Variants in CRYM observed in about 807,000 individuals in gnomAD.
The protein encoded by CRYM is crystallin mu, also known as ketimine reductase mu-crystallin.
In CRYM, 18 loss-of-function variants were observed where a neutral mutation model predicts 32.9. That is an observed-to-expected ratio of 0.55 (90% CI 0.38 to 0.81). The LOEUF (loss-of-function observed/expected upper bound fraction) is 0.81. Among genes scored for constraint, CRYM ranks in the 30% least tolerant of loss-of-function variants. The pLI is 0.00. For synonymous variants in CRYM, 153 were observed against 152.4 expected, an observed-to-expected ratio of 1.00 and a Z score of -0.03; for missense variants, 337 against 393.5, an observed-to-expected ratio of 0.86 and a Z score of 1.21.
intron 7 of CRYM, among the ~76,000 whole-genome samples, chr16:21,259,444 C>A (rs560698315): frequency 2.6e-4 from 40 of 152,168 alleles, no homozygotes; most frequent in South Asian, 1.0e-3. Context: ...ACAGTAAATC[C>A]TTTAGGCTTT....
intron 1 of CRYM, among the ~76,000 whole-genome samples, chr16:21,298,853 T>G (rs531925052): frequency 5.4e-4 from 82 of 152,350 alleles, no homozygotes; most frequent in African/African-American, 1.9e-3. Context: ...AAGACTAACA[T>G]TAAGAAAAAT....
Position 21,269,620 on chromosome 16 carries a change from C to T in CRYM, c.489+170G>A, listed in dbSNP as rs372828578. 3.8e-4 allele frequency among the ~76,000 whole-genome samples: 58 copies of T among 152,310 alleles called. 1 individual carries two copies. The highest frequency in any genetic ancestry group is 1.4e-3 in the African/African-American group (58 of 41,562). On this transcript the variant is annotated intron_variant, in intron 4 of 7. Transcript: ENST00000572914. Reference sequence around the variant, plus strand: ...AATCAGATCTTCCCCTGACTCTTATCCTCCATCCCCTCCATCAGGGCTTCT... The same window carrying T: ...AATCAGATCTTCCCCTGACTCTTATTCTCCATCCCCTCCATCAGGGCTTCT...
chr16:21,262,898 C>T (rs376775312), intron 5 of CRYM, among the ~76,000 whole-genome samples: 14 of 152,080 alleles, frequency 9.2e-5, no homozygotes, highest in Admixed American at 2.6e-4. Context: ...AGCACCTAGG[C>T]GCTCACACCT....
At chr16:21,271,659 G>C (rs1597618255) in intron 3 of CRYM, among the ~76,000 whole-genome samples, 1 of 152,088 alleles carries the variant, frequency 6.6e-6, no homozygotes, top group African/African-American at 2.4e-5. Context: ...AGGATAATTA[G>C]ATTTTTTTCC....
chr16:21,272,816 ATTTTTTTTT>A (rs60416570), intron 3 of CRYM, among the ~76,000 whole-genome samples: 1 of 42,292 alleles, frequency 2.4e-5, no homozygotes, highest in Non-Finnish European at 4.2e-5. Context: ...TGCCCAGCTA[ATTTTTTTTT>A]TTTTTTTTTT....
At chr16:21,291,423 T>C (rs1960652546) in intron 1 of CRYM, among the ~76,000 whole-genome samples, 1 of 152,186 alleles carries the variant, frequency 6.6e-6, no homozygotes, top group African/African-American at 2.4e-5. Flanking sequence ...CCTACATTAC[T>C]GTGAATCTTG....
chr16:21,284,458 C>T (rs1487599904), intron 1 of CRYM, among the ~76,000 whole-genome samples: 1 of 152,156 alleles, frequency 6.6e-6, no homozygotes, highest in Non-Finnish European at 1.5e-5. Context: ...AAACCCTGTA[C>T]TCATTCAGTT....
chr16:21,288,546 G>A (rs1175114460), intron 1 of CRYM, among the ~76,000 whole-genome samples: 1 of 151,930 alleles, frequency 6.6e-6, no homozygotes, highest in South Asian at 2.1e-4. Context: ...AAAGGTCTTT[G>A]ATTTGTGTTG....
At chr16:21,267,429 C>A in intron 5 of CRYM, 125 bp downstream of exon 5, 2 of 1,013,180 alleles carry the variant, frequency 2.0e-6, no homozygotes, top group Non-Finnish European at 3.0e-6. Flanking sequence ...CACATGTTTT[C>A]AAGGCCCTTA....
chr16:21,269,042 G>T (rs1177306690), intron 4 of CRYM, among the ~76,000 whole-genome samples: 2 of 151,608 alleles, frequency 1.3e-5, no homozygotes, highest in Non-Finnish European at 2.9e-5. Flanking sequence ...TACTTGGGAG[G>T]CTGAGGCCCA....
chr16:21,267,209 T>C (rs567279305), intron 5 of CRYM, among the ~76,000 whole-genome samples: 18 of 151,984 alleles, frequency 1.2e-4, no homozygotes, highest in Admixed American at 1.2e-3. Flanking sequence ...GCCATTCTCA[T>C]GCCTCAGCCT....
chr16:21,266,425 C>T (rs965061753), intron 5 of CRYM, among the ~76,000 whole-genome samples: 1 of 152,018 alleles, frequency 6.6e-6, no homozygotes, highest in African/African-American at 2.4e-5. Flanking sequence ...CATGACAGCA[C>T]CTGCAGTAGT....
chr16:21,291,617 A>C (rs943694101), intron 1 of CRYM, among the ~76,000 whole-genome samples: 1 of 152,174 alleles, frequency 6.6e-6, no homozygotes, highest in East Asian at 1.9e-4. Context: ...TTATACATTA[A>C]TCTCAATAGA....
intron 7 of CRYM, 64 bp downstream of exon 7, chr16:21,261,190 C>T: frequency 8.0e-7 from 1 of 1,254,260 alleles, no homozygotes; most frequent in Non-Finnish European, 1.2e-6. Context: ...TTGCTCTTTC[C>T]ACCAATGGGT....
At chr16:21,261,577 T>TGCCAAGGA in intron 6 of CRYM, 1 of 575,696 alleles carries the variant, frequency 1.7e-6, no homozygotes, top group Non-Finnish European at 3.1e-6. Flanking sequence ...GAGTTGGTGC[T>TGCCAAGGA]CAGGGAGCTG....
intron 7 of CRYM, among the ~76,000 whole-genome samples, chr16:21,260,831 G>C (rs1251410771): frequency 6.6e-6 from 1 of 152,204 alleles, no homozygotes; most frequent in Non-Finnish European, 1.5e-5. Flanking sequence ...ACTCTTTCAG[G>C]TTGGGTCTCT....
rs2093389686 is a variant in CRYM at position 21,277,649 on chromosome 16, C to A, written c.171-65G>T. On this transcript the variant is annotated intron_variant, in intron 1 of 7. Coordinates refer to ENST00000572914, the MANE Select transcript of CRYM (RefSeq NM_001376256.1). This position sits in a 1 kb window ranked among gnomAD's most constrained non-coding sequence, Gnocchi z 4.2. ...AATGCTGGGGTCTCTTAGAAAGTAT[C>A]CATATACTTTCCTTTTTCTTTCCTT... is the stretch of plus-strand genomic sequence containing the variant. 1 of 1,574,412 alleles carries A rather than the reference C, an allele frequency of 6.4e-7. No homozygotes were observed. Among genetic ancestry groups the A allele is most frequent in the Non-Finnish European group, 8.7e-7 (1 of 1,150,728 alleles).
chr16:21,297,545 T>C (rs1300060172), intron 1 of CRYM, among the ~76,000 whole-genome samples: 1 of 152,240 alleles, frequency 6.6e-6, no homozygotes, highest in Non-Finnish European at 1.5e-5. Flanking sequence ...GGGCATTGAC[T>C]ATATGTGCCT....
In CRYM at chr16:21,278,072, C is replaced by A; in HGVS notation, c.170+10G>T. ...TTCTCCTGCCCCTGACCCCGACCCTCCTCACTCACCCCCTGTGCTTGGTCA... is the reference window on the plus strand; with the variant it reads ...TTCTCCTGCCCCTGACCCCGACCCTACTCACTCACCCCCTGTGCTTGGTCA... On this transcript the variant is annotated intron_variant, in intron 1 of 7. Coordinates refer to ENST00000572914, the MANE Select transcript of CRYM (RefSeq NM_001376256.1). The A allele has an allele frequency of 6.5e-7, 1 of 1,542,030 alleles. No individual in the cohort carries two copies. Among genetic ancestry groups the A allele is most frequent in the Non-Finnish European group, 8.7e-7 (1 of 1,145,914 alleles).
Sources: gnomAD v4.1 joint callset for allele counts (sites outside exome capture counted in the v4.1 genomes callset) on GRCh38, gnomAD v4.1.1 for gene constraint, Gnocchi (gnomAD v3.1) non-coding constraint, MANE v1.5 for transcripts, NCBI Gene and HGNC (gene_info 2026-07-23, HGNC 2026-07-21) for gene names.